MIGA1: variants seen among roughly 807,000 people sequenced by gnomAD.
MIGA1 encodes the protein family with sequence similarity 73, member A.
A neutral mutation model predicts 82.0 loss-of-function variants in MIGA1; 58 were observed. That is an observed-to-expected ratio of 0.71 (90% confidence interval 0.57 to 0.88). The LOEUF (loss-of-function observed/expected upper bound fraction) is 0.88. MIGA1 is among the 40% of genes least tolerant of loss of function. MIGA1 has a pLI of 0.00. For missense variants in MIGA1, 751 were observed against 749.1 expected, an observed-to-expected ratio of 1.00 and a Z score of -0.03; for synonymous variants, 249 against 253.6, an observed-to-expected ratio of 0.98 and a Z score of 0.17.
At chr1:77,833,133 G>A (rs1440450210) in intron 7 of MIGA1, among the ~76,000 whole-genome samples, 1 of 152,158 alleles carries the variant, frequency 6.6e-6, no homozygotes, top group African/African-American at 2.4e-5. Flanking sequence ...TCAAATGTCA[G>A]CCCCAAGTTG....
chr1:77,868,958 T>A lies in MIGA1; in HGVS notation c.1563+2567T>A, dbSNP rs368212772. On this transcript the variant is annotated intron_variant, in intron 14 of 15. Coordinates refer to ENST00000370791, the MANE Select transcript of MIGA1 (RefSeq NM_198549.4). ...TTTATTTATTTTTTTTTTTTATTGA[T>A]CATTCTTGGGTGTTTCTCGCAGAGG... 2.5e-3 allele frequency among the ~76,000 whole-genome samples: 372 copies of A among 151,602 alleles called. 4 individuals carry two copies. Among genetic ancestry groups the A allele is most frequent in the East Asian group, 2.3e-3 (12 of 5,176 alleles).
chr1:77,788,051 A>G (rs537147576), intron 2 of MIGA1, among the ~76,000 whole-genome samples: 1 of 151,116 alleles, frequency 6.6e-6, no homozygotes, highest in Non-Finnish European at 1.5e-5. Flanking sequence ...CAATGGCGCA[A>G]TCTCGGCTCA....
At chr1:77,869,036 T>C (rs374381595) in intron 14 of MIGA1, among the ~76,000 whole-genome samples, 16 of 151,948 alleles carry the variant, frequency 1.1e-4, no homozygotes, top group Admixed American at 2.6e-4. Flanking sequence ...GGAAGGTCAG[T>C]AGATAAACAA....
chr1:77,822,074 AGGT>A (rs1683835868), intron 7 of MIGA1, among the ~76,000 whole-genome samples: 1 of 152,090 alleles, frequency 6.6e-6, no homozygotes, highest in Non-Finnish European at 1.5e-5. Flanking sequence ...CACTCTATAG[AGGT>A]GGTAGATACA....
intron 8 of MIGA1, chr1:77,847,517 GAGAGAA>G (rs1160013053): frequency 1.6e-5 from 23 of 1,440,858 alleles, no homozygotes; most frequent in Admixed American, 6.8e-5. Context: ...AGGAAATACA[GAGAGAA>G]AGAGAAATGG....
intron 10 of MIGA1, chr1:77,859,746 CAAG>C (rs1685395217): frequency 5.4e-6 from 2 of 373,216 alleles, no homozygotes; most frequent in Non-Finnish European, 9.5e-6. Flanking sequence ...AAGAAAATAA[CAAG>C]AATATATTTG....
chr1:77,844,113 A>AAAAAAAATATAT (rs1296124524), intron 8 of MIGA1, among the ~76,000 whole-genome samples: 1 of 90,142 alleles, frequency 1.1e-5, no homozygotes, highest in East Asian at 3.2e-4. Context: ...AAAAAAAAAA[A>AAAAAAAATATAT]ATATATATAT....
chr1:77,779,896 G>A, intron 1 of MIGA1, 160 bp downstream of exon 1: 1 of 1,423,612 alleles, frequency 7.0e-7, no homozygotes, highest in Non-Finnish European at 9.2e-7. Context: ...GAAAGCCAGA[G>A]GGTCTACGGC....
intron 2 of MIGA1, among the ~76,000 whole-genome samples, chr1:77,789,189 G>T (rs950317513): frequency 1.4e-5 from 2 of 147,882 alleles, no homozygotes; most frequent in African/African-American, 4.9e-5. Context: ...ATGGAATTGT[G>T]GGGGGCGGTT....
intron 14 of MIGA1, among the ~76,000 whole-genome samples, chr1:77,868,916 T>A (rs1298168216): frequency 6.6e-6 from 1 of 150,908 alleles, no homozygotes; most frequent in Non-Finnish European, 1.5e-5. Flanking sequence ...ACTAGCACAT[T>A]TTCTTTTTTT....
Position 77,813,685 on chromosome 1 carries a change from T to A in MIGA1, c.638-49T>A, listed in dbSNP as rs751970978. The A allele has an allele frequency of 5.0e-6, 8 of 1,592,120 alleles. No homozygotes were observed. The South Asian group carries it at 8.9e-5, about 18-fold the overall frequency. ...ACATTTCAGGCCCCAATAATTTTAT[T>A]TTGGCATTGATTTTGCTCAGTTAAA... is the stretch of plus-strand genomic sequence containing the variant. On this transcript the variant is annotated intron_variant, in intron 5 of 15. Coordinates refer to ENST00000370791, the MANE Select transcript of MIGA1 (RefSeq NM_198549.4).
At chr1:77,780,458 C>T (rs1035582993) in intron 1 of MIGA1, among the ~76,000 whole-genome samples, 2 of 152,144 alleles carry the variant, frequency 1.3e-5, no homozygotes, top group African/African-American at 4.8e-5. Flanking sequence ...AACATGTTTG[C>T]TCTGTTCAAA....
At position 77,876,126 on chromosome 1, in the gene MIGA1, C is replaced by G. The variant is rs1198220775; in HGVS notation, c.*1062C>G. 1 of 151,448 alleles carries G rather than the reference C, an allele frequency of 6.6e-6. No homozygotes were observed. Among genetic ancestry groups the G allele is most frequent in the Non-Finnish European group, 1.5e-5 (1 of 67,922 alleles). The allele number at this position is 151,448 out of a possible 1,614,324, so 9.4% of individuals were successfully genotyped here. On this transcript the variant is annotated 3_prime_UTR_variant, in exon 16 of 16. Coordinates refer to ENST00000370791, the MANE Select transcript of MIGA1 (RefSeq NM_198549.4). ...CCAGCCTGGGCAACAAAGTGAGACTCTGTCTCAAAAAATAAATTAATTAAA... is the reference window on the plus strand; with the variant it reads ...CCAGCCTGGGCAACAAAGTGAGACTGTGTCTCAAAAAATAAATTAATTAAA...
intron 14 of MIGA1, among the ~76,000 whole-genome samples, chr1:77,867,791 A>C (rs1685732956): frequency 6.6e-6 from 1 of 152,230 alleles, no homozygotes; most frequent in Non-Finnish European, 1.5e-5. Flanking sequence ...CAGTATTGCC[A>C]GTTGCAGTGA....
In MIGA1 at chr1:77,869,636, T is replaced by A. The variant is rs567838260; in HGVS notation, c.1563+3245T>A. On this transcript the variant is annotated intron_variant, in intron 14 of 15. Coordinates refer to ENST00000370791, the MANE Select transcript of MIGA1 (RefSeq NM_198549.4). The stretch of plus-strand genomic sequence containing the variant: ...AGGCAGAGGGGTCCTCACTTCCCAG[T>A]AGGGGCGGCCGGGCAGAGGCGCCCC... Among the ~76,000 whole-genome samples the A allele has an allele frequency of 4.5e-5, 5 of 110,098 alleles. No individual in the cohort carries two copies. The East Asian group carries it at 1.3e-3, about 28-fold the overall frequency. 72.2% of individuals were successfully genotyped at this position (110,098 alleles called of 152,430 possible). A position where few individuals can be genotyped will look rare whatever the true frequency, so the allele number is the denominator to read the frequency against.
At chr1:77,827,211 G>A (rs1346617321) in intron 7 of MIGA1, among the ~76,000 whole-genome samples, 1 of 152,094 alleles carries the variant, frequency 6.6e-6, no homozygotes, top group Non-Finnish European at 1.5e-5. Flanking sequence ...TGATTCTCCT[G>A]TCTTAGCCTC....
In MIGA1 at chr1:77,828,057, TATAA is replaced by T. The variant is rs560298209; in HGVS notation, c.895+12848_895+12851del. Among the ~76,000 whole-genome samples the T allele has an allele frequency of 5.5e-3, 839 of 151,874 alleles. 2 individuals carry two copies. Among genetic ancestry groups the T allele is most frequent in the Non-Finnish European group, 0.01 (684 of 67,932 alleles). ...TGGGCAACAGAGTGAGACTTTGTCTTATAAATAAATAAATAAATAAATAAAGGTG... is the reference window on the plus strand; with the variant it reads ...TGGGCAACAGAGTGAGACTTTGTCTTATAAATAAATAAATAAATAAAGGTG... On this transcript the variant is annotated intron_variant, in intron 7 of 15. Coordinates refer to ENST00000370791, the MANE Select transcript of MIGA1 (RefSeq NM_198549.4).
intron 13 of MIGA1, among the ~76,000 whole-genome samples, chr1:77,865,959 C>G (rs942174248): frequency 6.6e-6 from 1 of 152,104 alleles, no homozygotes; most frequent in Admixed American, 6.6e-5. Context: ...TGTCGCTAGG[C>G]TGGAGTGCAG....
rs556414092 is a variant in MIGA1, at chr1:77,784,029, G to A, written c.195+678G>A. 1.1e-3 allele frequency among the ~76,000 whole-genome samples: 172 copies of A among 152,050 alleles called. 4 individuals are homozygous for A. The highest frequency in any genetic ancestry group is 3.7e-4 in the Non-Finnish European group (25 of 68,012). The stretch of plus-strand genomic sequence containing the variant: ...AAGGTAGAATAATATTTCGTTGTGT[G>A]GATATACTACATTTTGCTTATGTGT... On this transcript the variant is annotated intron_variant, in intron 2 of 15. Transcript: ENST00000370791.
Sources: allele counts gnomAD v4.1 joint callset (sites outside exome capture counted in the v4.1 genomes callset), GRCh38; gene constraint gnomAD v4.1.1; transcripts MANE v1.5; gene names NCBI Gene and HGNC (gene_info 2026-07-23, HGNC 2026-07-21).